Variants in NKAIN2 observed in about 807,000 individuals in gnomAD.
NKAIN2 encodes the protein sodium/potassium transporting ATPase interacting 2, also known as sodium/potassium-transporting ATPase subunit beta-1-interacting protein 2.
Under a neutral mutation model 32.6 loss-of-function variants are expected in NKAIN2, and 14 were observed. That is an observed-to-expected ratio of 0.43 (90% CI 0.28 to 0.67). NKAIN2 has a LOEUF of 0.67. Among genes scored for constraint, NKAIN2 ranks in the 30% least tolerant of loss-of-function variants. NKAIN2 has a pLI of 0.17. For synonymous variants in NKAIN2, 80 were observed against 87.2 expected (o/e 0.92, Z 0.46); for missense variants, 198 against 258.3 (o/e 0.77, Z 1.60).
chr6:124,357,338 G>A (rs2115154393), intron 3 of NKAIN2, among the ~76,000 whole-genome samples: 1 of 152,266 alleles, frequency 6.6e-6, no homozygotes, highest in African/African-American at 2.4e-5. Context: ...GAAAAAAGGT[G>A]TATTTATACC....
intron 3 of NKAIN2, among the ~76,000 whole-genome samples, chr6:124,559,215 T>C (rs765029672): frequency 7.9e-5 from 12 of 152,136 alleles, no homozygotes; most frequent in Non-Finnish European, 5.9e-5. Context: ...AATAAACCAA[T>C]ACACGTTTAT....
At chr6:124,192,656 TG>T (rs1358845815) in intron 1 of NKAIN2, among the ~76,000 whole-genome samples, 2 of 152,216 alleles carry the variant, frequency 1.3e-5, no homozygotes, top group African/African-American at 4.8e-5. Context: ...AGATTTTTTT[TG>T]TTGGTTACAT....
chr6:124,453,943 C>G (rs1160226710), intron 3 of NKAIN2, among the ~76,000 whole-genome samples: 1 of 151,958 alleles, frequency 6.6e-6, no homozygotes, highest in Non-Finnish European at 1.5e-5. Flanking sequence ...AAACTGAGAA[C>G]AGAATGACAA....
At chr6:124,765,955 A>G (rs1339480194) in intron 4 of NKAIN2, among the ~76,000 whole-genome samples, 1 of 152,192 alleles carries the variant, frequency 6.6e-6, no homozygotes, top group Non-Finnish European at 1.5e-5. Flanking sequence ...AACTATCTCT[A>G]TTCTGCTACA....
chr6:124,294,346 C>T (rs187587165), intron 2 of NKAIN2, among the ~76,000 whole-genome samples: 46 of 152,242 alleles, frequency 3.0e-4, no homozygotes, highest in African/African-American at 9.1e-4. Flanking sequence ...TCTCAATGAC[C>T]TAATCACCTT....
At chr6:124,357,296 G>T (rs987710847) in intron 3 of NKAIN2, among the ~76,000 whole-genome samples, 5 of 151,954 alleles carry the variant, frequency 3.3e-5, no homozygotes, top group African/African-American at 1.2e-4. Flanking sequence ...ATCTGTACTG[G>T]GTTTTTCCTC....
chr6:123,998,733 C>A (rs1208234485), intron 1 of NKAIN2, among the ~76,000 whole-genome samples: 1 of 86,968 alleles, frequency 1.1e-5, no homozygotes, highest in African/African-American at 4.4e-5. Context: ...TGTTGTTTCT[C>A]TCTCTCTCTC....
chr6:124,112,576 G>A (rs1164691618), intron 1 of NKAIN2, among the ~76,000 whole-genome samples: 1 of 152,012 alleles, frequency 6.6e-6, no homozygotes, highest in Non-Finnish European at 1.5e-5. Flanking sequence ...ATGTTCTTTG[G>A]ATTTGTGGAT....
chr6:124,687,465 C>T (rs369960591), intron 4 of NKAIN2, among the ~76,000 whole-genome samples: 48 of 438 alleles, frequency 0.11, 2 homozygotes, highest in African/African-American at 0.18. Context: ...TCCATATATA[C>T]ACATACATGG....
At chr6:124,543,076 AAATC>A (rs1429882346) in intron 3 of NKAIN2, among the ~76,000 whole-genome samples, 1 of 152,174 alleles carries the variant, frequency 6.6e-6, no homozygotes, top group African/African-American at 2.4e-5. Context: ...ATAATAAAAA[AAATC>A]AAAACACCAC....
At chr6:123,839,006 C>CTGCA (rs1290403989) in intron 1 of NKAIN2, among the ~76,000 whole-genome samples, 1 of 152,188 alleles carries the variant, frequency 6.6e-6, no homozygotes, top group Non-Finnish European at 1.5e-5. Context: ...TCAGCTCCAT[C>CTGCA]TGCACCGTAG....
chr6:124,310,205 A>G (rs1212334567), intron 2 of NKAIN2, among the ~76,000 whole-genome samples: 1 of 152,160 alleles, frequency 6.6e-6, no homozygotes, highest in East Asian at 1.9e-4. Flanking sequence ...TTAACATGGG[A>G]ATAGAAGATG....
intron 1 of NKAIN2, among the ~76,000 whole-genome samples, chr6:124,058,384 G>A (rs1582553332): frequency 6.6e-6 from 1 of 151,998 alleles, no homozygotes; most frequent in Non-Finnish European, 1.5e-5. Context: ...GAGAGTGAAA[G>A]TATATTGTGA....
At chr6:124,463,817 C>G (rs1328664187) in intron 3 of NKAIN2, among the ~76,000 whole-genome samples, 2 of 151,986 alleles carry the variant, frequency 1.3e-5, no homozygotes, top group Non-Finnish European at 2.9e-5. Flanking sequence ...ATTGCTTTTC[C>G]AAGTTGTTTA....
At chr6:124,091,592 C>T (rs1448142747) in intron 1 of NKAIN2, among the ~76,000 whole-genome samples, 5 of 151,866 alleles carry the variant, frequency 3.3e-5, no homozygotes, top group Non-Finnish European at 7.4e-5. Flanking sequence ...AAAATATTAT[C>T]AAATTCTAAA....
At chr6:124,725,226 G>T (rs1245602329) in intron 4 of NKAIN2, among the ~76,000 whole-genome samples, 1 of 152,090 alleles carries the variant, frequency 6.6e-6, no homozygotes, top group East Asian at 1.9e-4. Context: ...TTACATACTA[G>T]AAAACTGGCT....
intron 3 of NKAIN2, among the ~76,000 whole-genome samples, chr6:124,536,675 G>A (rs1779726842): frequency 6.6e-6 from 1 of 152,140 alleles, no homozygotes; most frequent in Non-Finnish European, 1.5e-5. Context: ...AGGGCTAGAG[G>A]CTGCTAGGCT....
chr6:124,585,790 A>G (rs561046900), intron 3 of NKAIN2, among the ~76,000 whole-genome samples: 64 of 152,336 alleles, frequency 4.2e-4, no homozygotes, highest in Middle Eastern at 6.8e-3. Flanking sequence ...TATAATTTAC[A>G]TACAGCAAAA....
chr6:124,584,610 G>T (rs1459235618), intron 3 of NKAIN2, among the ~76,000 whole-genome samples: 1 of 146,194 alleles, frequency 6.8e-6, no homozygotes, highest in Non-Finnish European at 1.5e-5. Flanking sequence ...CCGAGATCGT[G>T]TCATTGCACT....
Sources: allele counts gnomAD v4.1 joint callset (sites outside exome capture counted in the v4.1 genomes callset), GRCh38; gene constraint gnomAD v4.1.1; transcripts MANE v1.5; gene names NCBI Gene and HGNC (gene_info 2026-07-23, HGNC 2026-07-21).